SUPT6H: variants seen among roughly 807,000 people sequenced by gnomAD.
The protein encoded by SUPT6H is SPT6 homolog, histone chaperone and transcription elongation factor.
Under a neutral mutation model 222.3 loss-of-function variants are expected in SUPT6H, and 11 were observed. The ratio of observed to expected loss-of-function variants is 0.05; its 90% CI spans 0.03 to 0.08. SUPT6H has a LOEUF of 0.08. Among genes scored for constraint, SUPT6H ranks in the 10% least tolerant of loss-of-function variants. SUPT6H has a pLI of 1.00. For missense variants in SUPT6H, 1,422 were observed against 2,216.0 expected (o/e 0.64, Z 7.19); for synonymous variants, 762 against 801.2 (o/e 0.95, Z 0.83).
intron 1 of SUPT6H, 66 bp from the exon 2 acceptor site, chr17:28,673,305 A>G (rs1373056943): frequency 1.1e-5 from 10 of 893,814 alleles, no homozygotes; most frequent in Non-Finnish European, 1.8e-5. Context: ...GTTTGTGGGA[A>G]GGTTTAAGAG....
In SUPT6H at chr17:28,683,203, G is replaced by A. The variant is rs562656813; in HGVS notation, c.1879-65G>A. 2.3e-4 allele frequency: 358 copies of A among 1,584,132 alleles called. 1 individual carries two copies. The African/African-American group carries it at 4.5e-3, about 20-fold the overall frequency. On this transcript the variant is annotated intron_variant, in intron 15 of 36. Transcript: ENST00000314616. ...CTGTGTGTCTGAAAGCAGAAAGGCT[G>A]TCTTTTCTCCTGGGGCCTGGCCCAG...
chr17:28,701,056 G>A lies in SUPT6H; in HGVS notation c.4922G>A (p.Ser1641Asn), dbSNP rs1308967611. ...TTPQYHQLQA[S>N]TTPQSAQAQP... is the part of the protein sequence containing the mutation. Reference sequence around the variant, plus strand: ...CCTCAGTACCACCAGCTCCAGGCCAGCACCACCCCACAGTCGGCCCAGGCC... The same window carrying A: ...CCTCAGTACCACCAGCTCCAGGCCAACACCACCCCACAGTCGGCCCAGGCC... The change falls in exon 36 of 37, where the codon AGC becomes AAC. Residue 1641 changes from serine to asparagine, a missense_variant. Ser to Asn is a conservative substitution (Grantham distance 46). This residue lies in a region of SUPT6H where 395 missense variants were observed against 580.6 expected (regional missense o/e 0.68). Transcript: ENST00000314616. The A allele has an allele frequency of 1.2e-6, 2 of 1,614,068 alleles. No individual in the cohort carries two copies. Among genetic ancestry groups the A allele is most frequent in the Non-Finnish European group, 1.7e-6 (2 of 1,180,030 alleles).
chr17:28,701,727 G>A lies in SUPT6H; in HGVS notation c.*102G>A. 7.8e-7 allele frequency: 1 copy of A among 1,274,614 alleles called. No individual in the cohort carries two copies. The highest frequency in any genetic ancestry group is 1.1e-6 in the Non-Finnish European group (1 of 930,684). 79.0% of individuals were successfully genotyped at this position (1,274,614 alleles called of 1,614,324 possible). ...TCCTTTTATGTCCATAAAGTGGCGT[G>A]AAGTGAGACGTTCTCTTTGGTGGTC... On this transcript the variant is annotated 3_prime_UTR_variant, in exon 37 of 37. Transcript: ENST00000314616.
intron 25 of SUPT6H, among the ~76,000 whole-genome samples, 172 bp from the exon 26 acceptor site, chr17:28,689,910 T>G (rs1459509632): frequency 1.3e-5 from 2 of 152,156 alleles, no homozygotes; most frequent in Non-Finnish European, 2.9e-5. Context: ...TTGATTACAG[T>G]GTTTCATGGC....
chr17:28,674,527 G>C lies in SUPT6H; in HGVS notation c.269-10G>C. On this transcript the variant is annotated splice_polypyrimidine_tract_variant and intron_variant, in intron 3 of 36. Transcript: ENST00000314616. ...ACCCCATCACCATGGGCAACACTTT[G>C]TTTCTTCAGCCTCTTTTGATGACCG... The C allele has an allele frequency of 2.5e-6, 4 of 1,614,216 alleles. No homozygotes were observed. Among genetic ancestry groups the C allele is most frequent in the Non-Finnish European group, 3.4e-6 (4 of 1,180,038 alleles).
chr17:28,690,046 A>T, intron 25 of SUPT6H, 36 bp from the exon 26 acceptor site: 1 of 1,591,544 alleles, frequency 6.3e-7, no homozygotes, highest in East Asian at 2.2e-5. Context: ...GTTGGGGGGC[A>T]GCTGCAAGGC....
chr17:28,679,069 C>G (rs1456302791), intron 11 of SUPT6H, 106 bp downstream of exon 11: 2 of 1,433,340 alleles, frequency 1.4e-6, no homozygotes, highest in African/African-American at 2.8e-5. Context: ...AGGGCCCCAT[C>G]CCTTAGAAAT....
intron 1 of SUPT6H, among the ~76,000 whole-genome samples, chr17:28,667,740 T>TA (rs1317326055): frequency 2.0e-5 from 3 of 151,794 alleles, no homozygotes; most frequent in Non-Finnish European, 2.9e-5. Flanking sequence ...ATTGCTCTCA[T>TA]AGTCCAGTTA....
chr17:28,675,925 G>T (rs978448468), intron 6 of SUPT6H, among the ~76,000 whole-genome samples: 1 of 152,174 alleles, frequency 6.6e-6, no homozygotes, highest in Non-Finnish European at 1.5e-5. Flanking sequence ...GTTGCTATTT[G>T]ATTACTGTCA....
intron 1 of SUPT6H, among the ~76,000 whole-genome samples, chr17:28,664,561 C>T (rs1402874286): frequency 6.6e-6 from 1 of 152,248 alleles, no homozygotes; most frequent in Non-Finnish European, 1.5e-5. Context: ...GAGCCTTCTA[C>T]ATGCTTCCCT....
intron 1 of SUPT6H, among the ~76,000 whole-genome samples, chr17:28,662,568 G>T (rs946895472): frequency 5.9e-5 from 9 of 152,298 alleles, no homozygotes; most frequent in Admixed American, 3.9e-4. Context: ...TGAATCGGGT[G>T]GCACGTTGAA....
chr17:28,665,092 C>T (rs1317609191), intron 1 of SUPT6H, among the ~76,000 whole-genome samples: 2 of 152,172 alleles, frequency 1.3e-5, no homozygotes, highest in Non-Finnish European at 2.9e-5. Flanking sequence ...CATGTCATTT[C>T]CCTACTTAAA....
chr17:28,687,490 C>T lies in SUPT6H; in HGVS notation c.3006+19C>T. 6.2e-7 allele frequency: 1 copy of T among 1,608,998 alleles called. No homozygotes were observed. The highest frequency in any genetic ancestry group is 8.5e-7 in the Non-Finnish European group (1 of 1,177,678). On this transcript the variant is annotated intron_variant, in intron 23 of 36. Coordinates refer to ENST00000314616, the MANE Select transcript of SUPT6H (RefSeq NM_003170.5). ...CCTGAAGGTAGGATTGGAGTGAATTCAGAAATTTTAAAACTTGCCATTTCA... is the reference window on the plus strand; with the variant it reads ...CCTGAAGGTAGGATTGGAGTGAATTTAGAAATTTTAAAACTTGCCATTTCA...
chr17:28,689,459 C>A lies in SUPT6H; in HGVS notation c.3240C>A (p.Ala1080=). Residue 1080 remains alanine (A), a synonymous_variant, in exon 25 of 37, where the codon GCC becomes GCA. Coordinates refer to ENST00000314616, the MANE Select transcript of SUPT6H (RefSeq NM_003170.5). ...ATGCCCTGGAATACGATGAATCAGC[C>A]GAGGATGCCAATCCTGCAGGAGCCC... ...AVDALEYDES[A]EDANPAGALE... 1 of 1,614,176 alleles carries A rather than the reference C, an allele frequency of 6.2e-7. No individual in the cohort carries two copies. The highest frequency in any genetic ancestry group is 8.5e-7 in the Non-Finnish European group (1 of 1,180,038).
Position 28,682,782 on chromosome 17 carries a change from G to A in SUPT6H, c.1653G>A (p.Arg551=). The A allele has an allele frequency of 6.2e-7, 1 of 1,614,206 alleles. No homozygotes were observed. Residue 551 remains arginine (R), a synonymous_variant, in exon 14 of 37, where the codon CGG becomes CGA. Coordinates refer to ENST00000314616, the MANE Select transcript of SUPT6H (RefSeq NM_003170.5). ...LTPEQFGENL[R]DSYQRHETEQ... is the part of the protein sequence containing the mutation. ...CCGAGCAGTTTGGGGAGAACCTGCG[G>A]GATAGCTACCAGCGGCACGAGACAG...
Position 28,687,133 on chromosome 17 carries a change from C to T in SUPT6H, c.2746C>T (p.Leu916=), listed in dbSNP as rs974195255. The change falls in exon 22 of 37, where the codon CTG becomes TTG. Residue 916 remains leucine, a synonymous_variant. Transcript: ENST00000314616. ...YPPVLRQAVS[L]ARRIQDPLIE... is the part of the protein sequence containing the mutation. The stretch of plus-strand genomic sequence containing the variant: ...TCCAGTGCTGAGACAGGCCGTCTCC[C>T]TGGCCCGGCGCATCCAGGACCCTCT... The T allele has an allele frequency of 3.1e-6, 5 of 1,613,928 alleles. No individual in the cohort carries two copies. Among genetic ancestry groups the T allele is most frequent in the Admixed American group, 3.3e-5 (2 of 60,008 alleles).
rs1208147419 is a variant in SUPT6H, at chr17:28,678,315, G to A, written c.1116+123G>A. On this transcript the variant is annotated intron_variant, in intron 9 of 36. Coordinates refer to ENST00000314616, the MANE Select transcript of SUPT6H (RefSeq NM_003170.5). ...ATCCCCTATCCATGACTCAACAAGT[G>A]TTAGGACCAGCAGAGACCCTAGTGA... is the stretch of plus-strand genomic sequence containing the variant. The A allele has an allele frequency of 1.2e-5, 11 of 929,772 alleles. No homozygotes were observed. The East Asian group carries it at 2.7e-4, about 23-fold the overall frequency. The allele number at this position is 929,772 out of a possible 1,614,324, so 57.6% of individuals were successfully genotyped here. A position where few individuals can be genotyped will look rare whatever the true frequency, so the allele number is the denominator to read the frequency against.
rs527922747 is a variant in SUPT6H at position 28,682,075 on chromosome 17, C to G, written c.1597+95C>G. On this transcript the variant is annotated intron_variant, in intron 13 of 36. Transcript: ENST00000314616. ...GGTAGGTAGGAAAAAGAAAGGCTAT[C>G]TGGGTCAATCACCAATCCAATCCTG... 1,248 of 975,882 alleles carry G rather than the reference C, an allele frequency of 1.3e-3. 1 individual carries two copies. The highest frequency in any genetic ancestry group is 1.6e-3 in the Non-Finnish European group (1,060 of 652,862). 60.5% of individuals were successfully genotyped at this position (975,882 alleles called of 1,614,324 possible).
At chr17:28,684,470 A>G (rs2031281748) in intron 17 of SUPT6H, 116 bp from the exon 18 acceptor site, 3 of 1,289,634 alleles carry the variant, frequency 2.3e-6, no homozygotes, top group Non-Finnish European at 3.3e-6. Flanking sequence ...ACATCTGCAC[A>G]TAAGAGTACA....
Sources: gnomAD v4.1 joint callset for allele counts (sites outside exome capture counted in the v4.1 genomes callset) on GRCh38, gnomAD v4.1.1 for gene constraint, gnomAD v4.1.1 regional missense constraint, MANE v1.5 for transcripts, NCBI Gene and HGNC (gene_info 2026-07-23, HGNC 2026-07-21) for gene names.